The following HSD17B12 variants were observed in gnomAD, a reference collection of about 807,000 sequenced individuals.
HSD17B12 encodes hydroxysteroid 17-beta dehydrogenase 12.
A neutral mutation model predicts 39.3 loss-of-function variants in HSD17B12; 32 were observed. The observed-to-expected ratio is 0.81, with a 90% confidence interval of 0.61 to 1.09. The LOEUF (loss-of-function observed/expected upper bound fraction) is 1.09. HSD17B12 is among the 50% of genes least tolerant of loss of function. The probability of loss-of-function intolerance (pLI) is 0.00; values close to 1 mark genes in which losing one functional copy is unlikely to be tolerated. For synonymous variants in HSD17B12, 150 were observed against 146.7 expected, an observed-to-expected ratio of 1.02 and a Z score of -0.16; for missense variants, 342 against 382.9, an observed-to-expected ratio of 0.89 and a Z score of 0.89.
chr11:43,680,845 C>A lies in HSD17B12; in HGVS notation c.18C>A (p.Pro6=). The change falls in exon 1 of 11, where the codon CCC becomes CCA. Residue 6 remains proline (P), a synonymous_variant. Coordinates refer to ENST00000278353, the MANE Select transcript of HSD17B12 (RefSeq NM_016142.3). ...GGAAAGCCATGGAGAGCGCTCTCCC[C>A]GCCGCCGGCTTCCTGTACTGGGTCG... MESAL[P]AAGFLYWVGA... 1 of 1,614,164 alleles carries A rather than the reference C, an allele frequency of 6.2e-7. No homozygotes were observed.
At chr11:43,601,044 T>C in the HSD17B12 span, among the ~76,000 whole-genome samples, 2 of 151,840 alleles carry the variant, frequency 1.3e-5, no homozygotes, top group Non-Finnish European at 2.9e-5. Flanking sequence ...TAACTGTAAT[T>C]TATTTTACTG....
At chr11:43,690,398 A>ATT (rs1303064530) in intron 1 of HSD17B12, among the ~76,000 whole-genome samples, 1 of 27,478 alleles carries the variant, frequency 3.6e-5, no homozygotes, top group African/African-American at 2.4e-4. Context: ...ATATATATAT[A>ATT]TATATATTTT....
chr11:43,583,468 G>C, the HSD17B12 span, among the ~76,000 whole-genome samples: 1 of 152,192 alleles, frequency 6.6e-6, no homozygotes, highest in African/African-American at 2.4e-5. Context: ...GATCGGGGCT[G>C]GGAGCTTGCG....
At chr11:43,639,667 G>GA in the HSD17B12 span, among the ~76,000 whole-genome samples, 12 of 150,658 alleles carry the variant, frequency 8.0e-5, no homozygotes, top group African/African-American at 2.7e-4. Context: ...TCCTTCAGGG[G>GA]AAAAAAAAGA....
chr11:43,581,774 A>G, the HSD17B12 span, among the ~76,000 whole-genome samples: 1 of 152,194 alleles, frequency 6.6e-6, no homozygotes, highest in African/African-American at 2.4e-5. This position sits in a 1 kb window ranked among gnomAD's most constrained non-coding sequence, Gnocchi z 4.9. Context: ...AGTTTACAGA[A>G]GTTGTGTCTT....
At chr11:43,785,594 G>C (rs946254751) in intron 3 of HSD17B12, among the ~76,000 whole-genome samples, 1 of 152,222 alleles carries the variant, frequency 6.6e-6, no homozygotes, top group Non-Finnish European at 1.5e-5. Flanking sequence ...GGTTGAAGTA[G>C]AAGGAAATCT....
At chr11:43,712,533 A>G (rs1013932846) in intron 1 of HSD17B12, among the ~76,000 whole-genome samples, 1 of 152,136 alleles carries the variant, frequency 6.6e-6, no homozygotes, top group African/African-American at 2.4e-5. Flanking sequence ...GCCAATCAGA[A>G]TATGTTTAAA....
At chr11:43,819,145 T>G (rs1407787949) in intron 6 of HSD17B12, among the ~76,000 whole-genome samples, 6 of 152,208 alleles carry the variant, frequency 3.9e-5, no homozygotes, top group Non-Finnish European at 7.3e-5. Context: ...CAGATTAGTC[T>G]TCTGATAATT....
chr11:43,855,621 G>A lies in HSD17B12; in HGVS notation c.*373G>A, dbSNP rs2135155645. 1 of 152,218 alleles carries A rather than the reference G, an allele frequency of 6.6e-6. No individual in the cohort carries two copies. Among genetic ancestry groups the A allele is most frequent in the African/African-American group, 2.4e-5 (1 of 41,096 alleles). 9.4% of individuals were successfully genotyped at this position (152,218 alleles called of 1,614,324 possible). ...TGATCATTATTCCTGTATTTTCTCT[G>A]AAACTGATTATAAAAACCAATGTCC... On this transcript the variant is annotated 3_prime_UTR_variant, in exon 11 of 11. Coordinates refer to ENST00000278353, the MANE Select transcript of HSD17B12 (RefSeq NM_016142.3).
chr11:43,700,806 A>C (rs998382344), intron 1 of HSD17B12, among the ~76,000 whole-genome samples: 8 of 152,190 alleles, frequency 5.3e-5, no homozygotes, highest in Non-Finnish European at 1.0e-4. Flanking sequence ...AAGAGTGCAG[A>C]TATCTCTTAG....
intron 6 of HSD17B12, among the ~76,000 whole-genome samples, chr11:43,828,598 G>A (rs1951274669): frequency 6.6e-6 from 1 of 151,920 alleles, no homozygotes. Context: ...CCTTTTTTTA[G>A]AAGTGTGTTA....
intron 6 of HSD17B12, chr11:43,830,536 A>G (rs1951298189): frequency 6.6e-6 from 1 of 152,610 alleles, no homozygotes; most frequent in African/African-American, 2.4e-5. Context: ...ACTTTATCGT[A>G]TTCTTTTAAA....
intron 1 of HSD17B12, among the ~76,000 whole-genome samples, chr11:43,697,226 G>A (rs900543780): frequency 4.6e-5 from 7 of 152,096 alleles, no homozygotes; most frequent in Admixed American, 4.6e-4. Flanking sequence ...TGCTGGTCTG[G>A]CAGAAGACAC....
intron 1 of HSD17B12, among the ~76,000 whole-genome samples, chr11:43,702,553 T>C (rs759852560): frequency 1.3e-5 from 2 of 152,368 alleles, no homozygotes; most frequent in East Asian, 3.9e-4. Context: ...TTTTCAGCAT[T>C]AATTCATTTA....
chr11:43,656,507 A>G, the HSD17B12 span, among the ~76,000 whole-genome samples: 2 of 151,982 alleles, frequency 1.3e-5, no homozygotes, highest in Non-Finnish European at 2.9e-5. Flanking sequence ...TGTCAATTTT[A>G]GATCTTTCCT....
At chr11:43,693,817 C>T (rs535188850) in intron 1 of HSD17B12, among the ~76,000 whole-genome samples, 2 of 152,336 alleles carry the variant, frequency 1.3e-5, no homozygotes, top group East Asian at 3.9e-4. Flanking sequence ...GGAATATTGT[C>T]AGCTTTGCTT....
the HSD17B12 span, among the ~76,000 whole-genome samples, chr11:43,594,086 G>C: frequency 1.3e-5 from 2 of 152,010 alleles, no homozygotes; most frequent in Non-Finnish European, 2.9e-5. Context: ...AGATTGAAAG[G>C]GGAAACGGTC....
At chr11:43,653,464 A>G in the HSD17B12 span, among the ~76,000 whole-genome samples, 1 of 152,014 alleles carries the variant, frequency 6.6e-6, no homozygotes, top group East Asian at 1.9e-4. Flanking sequence ...GCTTTGTTAC[A>G]TATGTATACC....
At chr11:43,586,776 CA>C in the HSD17B12 span, among the ~76,000 whole-genome samples, 1 of 152,184 alleles carries the variant, frequency 6.6e-6, no homozygotes, top group Non-Finnish European at 1.5e-5. Flanking sequence ...ACTTCGAGGC[CA>C]TATTAATCAT....
Sources: allele counts gnomAD v4.1 joint callset (sites outside exome capture counted in the v4.1 genomes callset), GRCh38; gene constraint gnomAD v4.1.1; non-coding constraint Gnocchi (gnomAD v3.1); transcripts MANE v1.5; gene names NCBI Gene and HGNC (gene_info 2026-07-23, HGNC 2026-07-21).